The following TENM3 variants were observed in gnomAD, a reference collection of about 807,000 sequenced individuals.
TENM3 encodes teneurin transmembrane protein 3.
A neutral mutation model predicts 255.1 loss-of-function variants in TENM3; 63 were observed. The observed-to-expected ratio is 0.25, with a 90% CI of 0.20 to 0.30. The LOEUF (loss-of-function observed/expected upper bound fraction) is 0.30. TENM3 is among the 10% of genes least tolerant of loss of function. The pLI, the probability that TENM3 is intolerant of heterozygous loss-of-function variation, is 1.00. For synonymous variants in TENM3, 1,306 were observed against 1,322.3 expected (o/e 0.99, Z 0.27); for missense variants, 2,929 against 3,461.1 (o/e 0.85, Z 3.86).
At chr4:182,241,503 C>G (rs1757249838), upstream of TENM3, among the ~76,000 whole-genome samples, 1 of 139,146 alleles carries the variant, frequency 7.2e-6, no homozygotes, top group South Asian at 2.2e-4. Context: ...TTCCTTTTCC[C>G]TTTCTTTTTT....
the TENM3 span, among the ~76,000 whole-genome samples, chr4:181,909,367 T>C: frequency 6.6e-6 from 1 of 152,218 alleles, no homozygotes; most frequent in African/African-American, 2.4e-5. Context: ...ATTCCCCACA[T>C]CTTGACCACA....
the TENM3 span, among the ~76,000 whole-genome samples, chr4:181,460,072 G>A: frequency 4.0e-5 from 6 of 151,616 alleles, no homozygotes; most frequent in Non-Finnish European, 7.4e-5. Flanking sequence ...CATGACATTC[G>A]TTGCTACTTT....
the TENM3 span, among the ~76,000 whole-genome samples, chr4:181,716,958 A>G: frequency 1.3e-5 from 2 of 152,254 alleles, no homozygotes; most frequent in East Asian, 1.9e-4. Flanking sequence ...TTATTAGCAC[A>G]TATTCTTGCC....
At chr4:182,654,667 C>T (rs1462589824) in intron 6 of TENM3, among the ~76,000 whole-genome samples, 2 of 152,110 alleles carry the variant, frequency 1.3e-5, no homozygotes, top group Non-Finnish European at 2.9e-5. Flanking sequence ...AAGCATTCCC[C>T]TAACTCGTCT....
chr4:181,973,664 G>A, the TENM3 span, among the ~76,000 whole-genome samples: 2 of 152,216 alleles, frequency 1.3e-5, no homozygotes, highest in African/African-American at 4.8e-5. Flanking sequence ...AGGAAGCTGA[G>A]GCAAGAGGAT....
the TENM3 span, among the ~76,000 whole-genome samples, chr4:181,447,992 G>A: frequency 6.6e-6 from 1 of 151,714 alleles, no homozygotes; most frequent in Admixed American, 6.6e-5. Flanking sequence ...GCGTGTAAGT[G>A]TGCAATGCTA....
chr4:182,756,173 G>A (rs889661154), intron 22 of TENM3, among the ~76,000 whole-genome samples: 8 of 152,230 alleles, frequency 5.3e-5, no homozygotes, highest in South Asian at 2.1e-4. Context: ...TGCTGATTAC[G>A]TAGAAGGGCT....
At chr4:181,978,857 G>A in the TENM3 span, among the ~76,000 whole-genome samples, 1 of 150,526 alleles carries the variant, frequency 6.6e-6, no homozygotes, top group Non-Finnish European at 1.5e-5. Context: ...ATGAATTGTG[G>A]TCTCTTGTTC....
At chr4:182,757,095 G>A (rs955612205) in intron 22 of TENM3, among the ~76,000 whole-genome samples, 5 of 151,914 alleles carry the variant, frequency 3.3e-5, no homozygotes, top group Non-Finnish European at 5.9e-5. Flanking sequence ...GGCGGATCAC[G>A]AGGTCAGGAG....
At chr4:181,922,954 CA>C in the TENM3 span, among the ~76,000 whole-genome samples, 41 of 152,096 alleles carry the variant, frequency 2.7e-4, no homozygotes, top group Non-Finnish European at 5.4e-4. Flanking sequence ...TCATTGGTTT[CA>C]AAGAACATCT....
the TENM3 span, among the ~76,000 whole-genome samples, chr4:181,834,175 T>C: frequency 2.4e-4 from 37 of 151,968 alleles, no homozygotes; most frequent in South Asian, 7.3e-3. Context: ...ATAGCATTTG[T>C]CCCTATTGCC....
the TENM3 span, among the ~76,000 whole-genome samples, chr4:181,681,726 T>C: frequency 2.0e-5 from 3 of 150,094 alleles, no homozygotes; most frequent in Non-Finnish European, 4.4e-5. Context: ...CAGGCAAAAT[T>C]TGGTTTTAGG....
intron 1 of TENM3, among the ~76,000 whole-genome samples, chr4:182,188,497 T>A (rs1045893549): frequency 6.6e-6 from 1 of 152,190 alleles, no homozygotes; most frequent in African/African-American, 2.4e-5. Flanking sequence ...ATCTCACACA[T>A]TGCAAAGACT....
chr4:182,422,441 C>G (rs116424415), intron 3 of TENM3, among the ~76,000 whole-genome samples: 117 of 152,322 alleles, frequency 7.7e-4, no homozygotes, highest in African/African-American at 2.6e-3. Flanking sequence ...CAAGTCCCTG[C>G]TGCCTTAAAA....
intron 1 of TENM3, among the ~76,000 whole-genome samples, chr4:182,236,735 C>T (rs1756921521): frequency 6.6e-6 from 1 of 152,116 alleles, no homozygotes; most frequent in Admixed American, 6.5e-5. Context: ...AAGCCTAAAC[C>T]TCAAAACATG....
chr4:182,509,171 A>G (rs1431062749), intron 3 of TENM3, among the ~76,000 whole-genome samples: 1 of 152,320 alleles, frequency 6.6e-6, no homozygotes, highest in African/African-American at 2.4e-5. Context: ...GCAGTCTAGT[A>G]TAAATGGATT....
At chr4:181,703,752 G>A in the TENM3 span, among the ~76,000 whole-genome samples, 1 of 152,080 alleles carries the variant, frequency 6.6e-6, no homozygotes, top group Non-Finnish European at 1.5e-5. Flanking sequence ...TTGGCATCCA[G>A]GACTTATCTT....
chr4:181,755,489 G>A, the TENM3 span, among the ~76,000 whole-genome samples: 3 of 152,046 alleles, frequency 2.0e-5, no homozygotes, highest in Non-Finnish European at 4.4e-5. Context: ...AAGGATAAGA[G>A]CCAATTAATT....
At chr4:182,496,823 A>G (rs1469206115) in intron 3 of TENM3, among the ~76,000 whole-genome samples, 6 of 152,200 alleles carry the variant, frequency 3.9e-5, no homozygotes, top group Non-Finnish European at 7.3e-5. Context: ...TGGGATCACT[A>G]GAAGAGATTT....
Sources: gnomAD v4.1 joint callset for allele counts (sites outside exome capture counted in the v4.1 genomes callset) on GRCh38, gnomAD v4.1.1 for gene constraint, MANE v1.5 for transcripts, NCBI Gene and HGNC (gene_info 2026-07-23, HGNC 2026-07-21) for gene names.